The following APPL2 variants were observed in gnomAD, a reference collection of about 807,000 sequenced individuals.
APPL2 encodes the protein DCC-interacting protein 13-beta.
Under a neutral mutation model 92.7 loss-of-function variants are expected in APPL2, and 84 were observed. The ratio of observed to expected loss-of-function variants is 0.91; its 90% CI spans 0.76 to 1.09. The LOEUF is 1.09. Ranked by LOEUF, APPL2 falls within the 50% of genes least tolerant of loss-of-function variation. The probability of loss-of-function intolerance (pLI) is 0.00; values close to 1 mark genes in which losing one functional copy is unlikely to be tolerated. For synonymous variants in APPL2, 291 were observed against 291.0 expected (o/e 1.00, Z 0.00); for missense variants, 736 against 824.5 (o/e 0.89, Z 1.31).
intron 18 of APPL2, 45 bp from the exon 19 acceptor site, chr12:105,177,061 T>G (rs373779141): frequency 6.8e-6 from 11 of 1,611,760 alleles, no homozygotes; most frequent in Middle Eastern, 1.6e-4. Context: ...ACTACTAGAA[T>G]TAAAAACTGA....
At chr12:105,204,846 C>T (rs971269885) in intron 8 of APPL2, among the ~76,000 whole-genome samples, 1 of 152,186 alleles carries the variant, frequency 6.6e-6, no homozygotes, top group African/African-American at 2.4e-5. Context: ...GAACGGAAGG[C>T]AGGTAAGACA....
chr12:105,230,724 C>G (rs182446439), intron 1 of APPL2, among the ~76,000 whole-genome samples: 1 of 152,240 alleles, frequency 6.6e-6, no homozygotes, highest in Admixed American at 6.5e-5. Flanking sequence ...AGACTCTGCT[C>G]CAAAACTCTG....
intron 1 of APPL2, chr12:105,233,531 T>G: frequency 2.8e-6 from 1 of 357,522 alleles, no homozygotes; most frequent in South Asian, 1.1e-4. Context: ...GTTCATTTAA[T>G]TCATCCTGTG....
chr12:105,234,476 A>T (rs1407656541), intron 1 of APPL2, among the ~76,000 whole-genome samples: 2 of 152,222 alleles, frequency 1.3e-5, no homozygotes, highest in Non-Finnish European at 2.9e-5. Context: ...AGCCACTCAC[A>T]AACAGTGTAT....
chr12:105,204,380 C>A (rs1404704368), intron 8 of APPL2, among the ~76,000 whole-genome samples: 1 of 152,192 alleles, frequency 6.6e-6, no homozygotes, highest in African/African-American at 2.4e-5. Flanking sequence ...CCAAAATCGA[C>A]CTCTGACCCT....
intron 4 of APPL2, among the ~76,000 whole-genome samples, chr12:105,213,930 T>C (rs1250988427): frequency 5.3e-5 from 8 of 152,184 alleles, no homozygotes. Flanking sequence ...CTCACACCTG[T>C]AATCTCAGCA....
At chr12:105,195,229 C>A (rs1387363501) in intron 14 of APPL2, 32 bp downstream of exon 14, 4 of 1,608,504 alleles carry the variant, frequency 2.5e-6, no homozygotes, top group Non-Finnish European at 3.4e-6. Flanking sequence ...TTTGGCTCCA[C>A]AAAAGCTAGT....
intron 19 of APPL2, 157 bp from the exon 20 acceptor site, chr12:105,176,239 G>A (rs1287846455): frequency 1.6e-6 from 1 of 623,128 alleles, no homozygotes. Flanking sequence ...AGGGCCCGGG[G>A]CATTTGCGTC....
At chr12:105,228,993 A>C in intron 2 of APPL2, 132 bp downstream of exon 2, 1 of 756,728 alleles carries the variant, frequency 1.3e-6, no homozygotes, top group Non-Finnish European at 2.1e-6. Context: ...GTAGTGAGAA[A>C]ACAGTTCTGA....
At chr12:105,210,722 A>T (rs1477356394) in intron 5 of APPL2, among the ~76,000 whole-genome samples, 1 of 152,176 alleles carries the variant, frequency 6.6e-6, no homozygotes, top group African/African-American at 2.4e-5. Flanking sequence ...AGCAGTCCCC[A>T]TCCATCGTTC....
chr12:105,217,538 A>G, intron 3 of APPL2, 128 bp downstream of exon 3: 1 of 876,440 alleles, frequency 1.1e-6, no homozygotes, highest in African/African-American at 1.7e-5. Flanking sequence ...GGAAGGGAAA[A>G]GACAGGACAA....
chr12:105,220,572 A>G (rs1890023055), intron 2 of APPL2, among the ~76,000 whole-genome samples: 1 of 152,080 alleles, frequency 6.6e-6, no homozygotes, highest in African/African-American at 2.4e-5. Context: ...TATTTTAGTC[A>G]ACTCTAATAT....
chr12:105,188,523 G>A, intron 16 of APPL2, 76 bp from the exon 17 acceptor site: 1 of 1,511,238 alleles, frequency 6.6e-7, no homozygotes, highest in Non-Finnish European at 9.0e-7. Context: ...GGTCAGATGT[G>A]CTAGTTTTGC....
In APPL2 at chr12:105,211,839, G is replaced by A. The variant is rs1248466812; in HGVS notation, c.286-522C>T. 3.3e-5 allele frequency among the ~76,000 whole-genome samples: 5 copies of A among 152,182 alleles called. No individual in the cohort carries two copies. The South Asian group carries it at 8.3e-4, about 25-fold the overall frequency. ...CTCTGGAGAAAGAATACTCCCTAAC[G>A]GCTAGGCGTGGTAGCTCACGCCTGT... On this transcript the variant is annotated intron_variant, in intron 4 of 20. Coordinates refer to ENST00000258530, the MANE Select transcript of APPL2 (RefSeq NM_018171.5).
chr12:105,194,667 G>C (rs1264131960), intron 14 of APPL2, among the ~76,000 whole-genome samples: 1 of 151,912 alleles, frequency 6.6e-6, no homozygotes, highest in African/African-American at 2.4e-5. Context: ...CTCCAGCCCA[G>C]GTGACAGAGT....
At chr12:105,232,514 C>G (rs1348782814) in intron 1 of APPL2, among the ~76,000 whole-genome samples, 1 of 152,040 alleles carries the variant, frequency 6.6e-6, no homozygotes, top group East Asian at 1.9e-4. Flanking sequence ...TGAAAAGAAC[C>G]AAGACTTTGG....
At position 105,176,071 on chromosome 12, in the gene APPL2, A is replaced by G. The variant is rs1377463885; in HGVS notation, c.1824T>C (p.Ala608=). 1 of 1,591,958 alleles carries G rather than the reference A, an allele frequency of 6.3e-7. No individual in the cohort carries two copies. The highest frequency in any genetic ancestry group is 8.5e-7 in the Non-Finnish European group (1 of 1,172,918). ...SNSEGEKICY[A]INLGKEIIEV... Reference sequence around the variant, plus strand: ...CAATAATTTCTTTTCCCAAATTAATAGCATAACATATCTGCAAAAGACAAG... The same window carrying G: ...CAATAATTTCTTTTCCCAAATTAATGGCATAACATATCTGCAAAAGACAAG... Residue 608 remains alanine, a synonymous_variant, in exon 20 of 21, where the codon GCT becomes GCC. Coordinates refer to ENST00000258530, the MANE Select transcript of APPL2 (RefSeq NM_018171.5).
intron 17 of APPL2, among the ~76,000 whole-genome samples, chr12:105,179,678 C>A (rs570869247): frequency 6.6e-6 from 1 of 152,324 alleles, no homozygotes; most frequent in Non-Finnish European, 1.5e-5. Context: ...GCCATTCTAA[C>A]TGGTGTGAGA....
At chr12:105,231,200 A>G (rs1034130140) in intron 1 of APPL2, among the ~76,000 whole-genome samples, 12 of 152,220 alleles carry the variant, frequency 7.9e-5, no homozygotes, top group Non-Finnish European at 1.5e-4. Flanking sequence ...GATTGTGGCT[A>G]GTTTTTTCAA....
Sources: allele counts gnomAD v4.1 joint callset (sites outside exome capture counted in the v4.1 genomes callset), GRCh38; gene constraint gnomAD v4.1.1; transcripts MANE v1.5; gene names NCBI Gene and HGNC (gene_info 2026-07-23, HGNC 2026-07-21).